SLC2A6: variants seen among roughly 807,000 people sequenced by gnomAD.
SLC2A6 encodes solute carrier family 2, facilitated glucose transporter member 6.
Under a neutral mutation model 47.8 loss-of-function variants are expected in SLC2A6, and 39 were observed. The observed-to-expected ratio is 0.82, with a 90% CI of 0.63 to 1.07. The LOEUF is 1.07. Among genes scored for constraint, SLC2A6 ranks in the 50% least tolerant of loss-of-function variants. The pLI is 0.00. For synonymous variants in SLC2A6, 346 were observed against 324.1 expected (o/e 1.07, Z -0.73); for missense variants, 650 against 707.6 (o/e 0.92, Z 0.92).
chr9:133,478,158 C>T, intron 2 of SLC2A6, 96 bp downstream of exon 2: 9 of 1,398,178 alleles, frequency 6.4e-6, no homozygotes, highest in Non-Finnish European at 6.9e-6. Context: ...CTGGAGGGAC[C>T]CCCAAGGTGG....
rs1843706266 is a variant in SLC2A6, at chr9:133,471,319, C to CATT, written c.*701_*702insAAT. On this transcript the variant is annotated 3_prime_UTR_variant, in exon 10 of 10. Transcript: ENST00000371899. ...TCAGCTCATTGCAGCCTCCACCTCC[C>CATT]GGGTTCAAGCAATGCTGCCTCAGCC... 1 of 151,978 alleles carries CATT rather than the reference C, an allele frequency of 6.6e-6. No homozygotes were observed. The highest frequency in any genetic ancestry group is 2.4e-5 in the African/African-American group (1 of 41,346). 9.4% of individuals were successfully genotyped at this position (151,978 alleles called of 1,614,324 possible). A position where few individuals can be genotyped will look rare whatever the true frequency, so the allele number is the denominator to read the frequency against.
Position 133,478,387 on chromosome 9 carries a change from G to A in SLC2A6, c.122C>T (p.Ala41Val), listed in dbSNP as rs1173180430. 8.7e-6 allele frequency: 14 copies of A among 1,614,024 alleles called. No homozygotes were observed. The highest frequency in any genetic ancestry group is 1.7e-5 in the Admixed American group (1 of 60,008). Residue 41 changes from alanine (A) to valine (V), a missense_variant, in exon 2 of 10, where the codon GCC (alanine) becomes GTC (valine). Physicochemically the swap from Ala to Val is moderately conservative, Grantham distance 64 (BLOSUM62 0). Transcript: ENST00000371899. The stretch of plus-strand genomic sequence containing the variant: ...ATTGCCGAGCACTGCGGCGAAGGTG[G>A]CCAGGAACACCCTTTTGTTCTGCAG... ...GTLQNKRVFLATFAAVLGNFS... is the reference protein window; with the variant it reads ...GTLQNKRVFLVTFAAVLGNFS...
chr9:133,477,855 G>A (rs987596954), intron 2 of SLC2A6, among the ~76,000 whole-genome samples: 1 of 152,164 alleles, frequency 6.6e-6, no homozygotes, highest in Admixed American at 6.5e-5. Flanking sequence ...TAGACTCTGG[G>A]ACTCTGGGAT....
chr9:133,473,958 G>A (rs1843838875), intron 7 of SLC2A6, 22 bp downstream of exon 7: 1 of 1,562,230 alleles, frequency 6.4e-7, no homozygotes, highest in Admixed American at 1.7e-5. Flanking sequence ...TGGGGCAGGA[G>A]GGCTGCCTGC....
chr9:133,472,277 G>T, intron 9 of SLC2A6, 101 bp from the exon 10 acceptor site: 5 of 1,361,992 alleles, frequency 3.7e-6, no homozygotes, highest in Non-Finnish European at 1.0e-6. Flanking sequence ...GCCCTGTGGG[G>T]CCTTCATCTG....
At position 133,478,987 on chromosome 9, in the gene SLC2A6, C is replaced by T. The variant is rs1554804170; in HGVS notation, c.73G>A (p.Gly25Arg). ...TCTCACCCGACCCGCGCCCTGTCCC[C>T]TGGCGACGGGGGCGGCTTCTCGGGG... ...TFPEKPPPSP[G>R]DRARVGTLQN... The change falls in exon 1 of 10, where the codon GGG (glycine) becomes AGG (arginine). Residue 25 changes from glycine to arginine, a missense_variant. Gly to Arg is a moderately radical substitution (Grantham distance 125, BLOSUM62 -2). Coordinates refer to ENST00000371899, the MANE Select transcript of SLC2A6 (RefSeq NM_017585.4). 1.9e-6 allele frequency: 3 copies of T among 1,593,486 alleles called. No homozygotes were observed. The highest frequency in any genetic ancestry group is 2.2e-5 in the South Asian group (2 of 89,042).
intron 1 of SLC2A6, 91 bp from the exon 2 acceptor site, chr9:133,478,507 A>T: frequency 2.0e-6 from 3 of 1,466,924 alleles, no homozygotes; most frequent in South Asian, 2.5e-5. Flanking sequence ...TGCCCGGCTC[A>T]GCGGGCAGTG....
intron 9 of SLC2A6, 152 bp downstream of exon 9, chr9:133,472,953 G>T: frequency 1.3e-6 from 1 of 770,176 alleles, no homozygotes; most frequent in Non-Finnish European, 2.0e-6. Flanking sequence ...ACCACTCTGG[G>T]GTCTCTGAGT....
At chr9:133,477,384 C>G in intron 2 of SLC2A6, 143 bp from the exon 3 acceptor site, 1 of 748,022 alleles carries the variant, frequency 1.3e-6, no homozygotes, top group African/African-American at 1.8e-5. Context: ...AAACAGGGAG[C>G]CTCCTGTCTT....
At position 133,476,025 on chromosome 9, in the gene SLC2A6, C is replaced by T. The variant is rs1843932429; in HGVS notation, c.562+212G>A. Reference sequence around the variant, plus strand: ...TGGGTCCAGGAGAAGCCCTGGCTGCCCCAGCTAGAGACTGGGCCTGTGGCT... The same window carrying T: ...TGGGTCCAGGAGAAGCCCTGGCTGCTCCAGCTAGAGACTGGGCCTGTGGCT... On this transcript the variant is annotated intron_variant, in intron 4 of 9. Transcript: ENST00000371899. The T allele has an allele frequency of 7.5e-6, 4 of 531,870 alleles. No individual in the cohort carries two copies. The South Asian group carries it at 1.2e-4, about 16-fold the overall frequency. The allele number at this position is 531,870 out of a possible 1,614,324, so 32.9% of individuals were successfully genotyped here.
In SLC2A6 at chr9:133,477,042, C is replaced by A; in HGVS notation, c.455G>T (p.Cys152Phe). 1.9e-6 allele frequency: 3 copies of A among 1,547,288 alleles called. No homozygotes were observed. The highest frequency in any genetic ancestry group is 8.7e-7 in the Non-Finnish European group (1 of 1,146,446). ...GGGAAGGCCTGGCCTTACCGGGATG[C>A]AGGCAGCTGTGAGCCCCCCGGCGAA... is the stretch of plus-strand genomic sequence containing the variant. ...TGFAGGLTAA[C>F]IPVYVSEIAP... Residue 152 changes from cysteine to phenylalanine, a missense_variant, in exon 3 of 10, where the codon TGC becomes TTC. Transcript: ENST00000371899.
chr9:133,474,252 G>A (rs1450101061), intron 6 of SLC2A6, among the ~76,000 whole-genome samples, 164 bp from the exon 7 acceptor site: 1 of 152,256 alleles, frequency 6.6e-6, no homozygotes, highest in East Asian at 1.9e-4. Flanking sequence ...TACTGTCCGA[G>A]CCTATGGGGC....
At chr9:133,475,694 C>T (rs1843919329) in intron 4 of SLC2A6, 83 bp from the exon 5 acceptor site, 1 of 1,262,216 alleles carries the variant, frequency 7.9e-7, no homozygotes, top group Non-Finnish European at 1.1e-6. Flanking sequence ...ACCTCATCTG[C>T]CCTTCAAGGT....
At position 133,472,114 on chromosome 9, in the gene SLC2A6, C is replaced by T. The variant is rs782512068; in HGVS notation, c.1431G>A (p.Val477=). 6.6e-5 allele frequency: 107 copies of T among 1,613,308 alleles called. No homozygotes were observed. The highest frequency in any genetic ancestry group is 5.0e-5 in the Non-Finnish European group (59 of 1,179,910). Residue 477 remains valine (V), a synonymous_variant, in exon 10 of 10, where the codon GTG becomes GTA. Coordinates refer to ENST00000371899, the MANE Select transcript of SLC2A6 (RefSeq NM_017585.4). ...FFAAICLVSL[V]FTGCCVPETK... ...TCTCGGGCACACAGCAGCCTGTGAA[C>T]ACCAGGCTCACCAAGCAGATGGCCG...
In SLC2A6 at chr9:133,475,503, CGA is replaced by C. The variant is rs1466185726; in HGVS notation, c.669_670del (p.Arg224GlyfsTer42). 1 of 1,611,458 alleles carries C rather than the reference CGA, an allele frequency of 6.2e-7. No homozygotes were observed. Among genetic ancestry groups the C allele is most frequent in the Non-Finnish European group, 8.5e-7 (1 of 1,179,912 alleles). The stretch of plus-strand genomic sequence containing the variant: ...CCGCAGGGCCTCTTCGTCCCTGCCC[CGA>C]GAGAGCAGGAAGCGCGGCGAGTTGG... On this transcript the variant is annotated frameshift_variant, in exon 5 of 10. Coordinates refer to ENST00000371899, the MANE Select transcript of SLC2A6 (RefSeq NM_017585.4). LOFTEE classifies it high-confidence loss of function.
rs781877526 is a variant in SLC2A6 at position 133,476,337 on chromosome 9, C to T, written c.463-1G>A. 1 of 1,612,234 alleles carries T rather than the reference C, an allele frequency of 6.2e-7. No individual in the cohort carries two copies. Among genetic ancestry groups the T allele is most frequent in the East Asian group, 2.2e-5 (1 of 44,880 alleles). On this transcript the variant is annotated splice_acceptor_variant, in intron 3 of 9. Coordinates refer to ENST00000371899, the MANE Select transcript of SLC2A6 (RefSeq NM_017585.4). LOFTEE classifies it high-confidence loss of function. ...GGGGAGCAATCTCAGACACGTACACCTGCAAGACACAGCCGCCGCACCAGG... is the reference window on the plus strand; with the variant it reads ...GGGGAGCAATCTCAGACACGTACACTTGCAAGACACAGCCGCCGCACCAGG...
chr9:133,478,896 C>T (rs1723604547), intron 1 of SLC2A6, 72 bp downstream of exon 1: 8 of 1,401,202 alleles, frequency 5.7e-6, no homozygotes, highest in South Asian at 1.3e-5. Context: ...AGGGCGGGAG[C>T]CTGCCGCCGG....
rs1843887671 is a variant in SLC2A6 at position 133,475,058 on chromosome 9, G to A, written c.830C>T (p.Thr277Ile). The A allele has an allele frequency of 2.5e-6, 4 of 1,601,680 alleles. No homozygotes were observed. The highest frequency in any genetic ancestry group is 1.1e-5 in the South Asian group (1 of 89,074). ...CAGGAGGCGCATCAGCAAGGCCACG[G>A]TGATGGGCCGGCACACGTGTGGGGC... is the stretch of plus-strand genomic sequence containing the variant. ...ARAPHVCRPI[T>I]VALLMRLLQQ... The change falls in exon 6 of 10, where the codon ACC becomes ATC. Residue 277 changes from threonine (T) to isoleucine (I), a missense_variant. Coordinates refer to ENST00000371899, the MANE Select transcript of SLC2A6 (RefSeq NM_017585.4).
Position 133,479,015 on chromosome 9 carries a change from G to A in SLC2A6, c.45C>T (p.Thr15=), listed in dbSNP as rs1000030934. 7 of 1,599,712 alleles carry A rather than the reference G, an allele frequency of 4.4e-6. No homozygotes were observed. In the Admixed American group the frequency reaches 1.0e-4, roughly 23 times the overall value. Residue 15 remains threonine (T), a synonymous_variant, in exon 1 of 10, where the codon ACC becomes ACT. Transcript: ENST00000371899. ...GCGACGGGGGCGGCTTCTCGGGGAA[G>A]GTGTCGTAGTCCGGGCCCTCGGCTC... ...LLGAEGPDYD[T]FPEKPPPSPG...
Sources: gnomAD v4.1 joint callset for allele counts (sites outside exome capture counted in the v4.1 genomes callset) on GRCh38, gnomAD v4.1.1 for gene constraint, MANE v1.5 for transcripts, NCBI Gene and HGNC (gene_info 2026-07-23, HGNC 2026-07-21) for gene names.